DSCAML1: variants seen among roughly 807,000 people sequenced by gnomAD.
The protein encoded by DSCAML1 is DS cell adhesion molecule like 1, also known as cell adhesion molecule DSCAML1.
In DSCAML1, 38 loss-of-function variants were observed where a neutral mutation model predicts 200.5. The ratio of observed to expected loss-of-function variants is 0.19; its 90% CI spans 0.15 to 0.25. The LOEUF (loss-of-function observed/expected upper bound fraction) is 0.25, where lower values mean the gene tolerates loss of function less well. Among genes scored for constraint, DSCAML1 ranks in the 10% least tolerant of loss-of-function variants. DSCAML1 has a pLI of 1.00. For missense variants in DSCAML1, 2,223 were observed against 2,858.8 expected, an observed-to-expected ratio of 0.78 and a Z score of 5.07; for synonymous variants, 1,215 against 1,165.0, an observed-to-expected ratio of 1.04 and a Z score of -0.87.
intron 3 of DSCAML1, among the ~76,000 whole-genome samples, chr11:117,574,532 C>T (rs918942849): frequency 6.6e-6 from 1 of 152,140 alleles, no homozygotes; most frequent in Admixed American, 6.5e-5. Context: ...TGCAGGGGCC[C>T]TTTAGCATTC....
intron 3 of DSCAML1, among the ~76,000 whole-genome samples, chr11:117,644,195 A>AC (rs1420911240): frequency 2.0e-5 from 3 of 151,890 alleles, no homozygotes; most frequent in Non-Finnish European, 4.4e-5. Flanking sequence ...CTTCACAGCC[A>AC]CCCCCACCAA....
chr11:117,541,217 G>A (rs2050263046), intron 3 of DSCAML1, among the ~76,000 whole-genome samples: 2 of 152,224 alleles, frequency 1.3e-5, no homozygotes, highest in Non-Finnish European at 2.9e-5. Flanking sequence ...CTGCTTAGTA[G>A]ACAGCTCCTT....
chr11:117,463,811 C>A lies in DSCAML1; in HGVS notation c.3265+1131G>T, dbSNP rs557669384. 6.6e-6 allele frequency among the ~76,000 whole-genome samples: 1 copy of A among 152,200 alleles called. No homozygotes were observed. Among genetic ancestry groups the A allele is most frequent in the African/African-American group, 2.4e-5 (1 of 41,432 alleles). On this transcript the variant is annotated intron_variant, in intron 17 of 32. Coordinates refer to ENST00000651296, the MANE Select transcript of DSCAML1 (RefSeq NM_020693.4). This position sits in a 1 kb window ranked among gnomAD's most constrained non-coding sequence, Gnocchi z 4.0. ...CTGGGGCTATTGAAGTCGGCCCCAT[C>A]TTAAAGCCCAGCTTTTGCCCCAGAA...
chr11:117,575,401 A>G (rs2050914267), intron 3 of DSCAML1, among the ~76,000 whole-genome samples: 1 of 152,222 alleles, frequency 6.6e-6, no homozygotes, highest in African/African-American at 2.4e-5. Context: ...ATAAGTTCCA[A>G]CTGGTGGTTC....
chr11:117,697,073 G>T (rs1591411963), intron 3 of DSCAML1, among the ~76,000 whole-genome samples: 1 of 152,200 alleles, frequency 6.6e-6, no homozygotes, highest in South Asian at 2.1e-4. Context: ...CTCTGGTAGT[G>T]TTAGTATTGT....
rs752364275 is a variant in DSCAML1, at chr11:117,780,614, C to G, written c.243G>C (p.Thr81=). 6.3e-7 allele frequency: 1 copy of G among 1,590,370 alleles called. No individual in the cohort carries two copies. Among genetic ancestry groups the G allele is most frequent in the Non-Finnish European group, 8.6e-7 (1 of 1,167,300 alleles). ...AGGGGGAGAAGGGGTAGAGCTGCAG[C>G]GTCCCGTTGGCGTGGACGTGCCGGA... The part of the protein sequence containing the change: ...PHIRHVHANG[T]LQLYPFSPSA... Residue 81 remains threonine (T), a synonymous_variant, in exon 2 of 33, where the codon ACG becomes ACC. Transcript: ENST00000651296. The surrounding 1 kb of genome is among the most constrained non-coding windows in gnomAD (Gnocchi z 4.8).
chr11:117,743,003 TCATC>T (rs60601984), intron 3 of DSCAML1, among the ~76,000 whole-genome samples: 7 of 151,006 alleles, frequency 4.6e-5, no homozygotes, highest in African/African-American at 9.7e-5. Flanking sequence ...CACTCCACTT[TCATC>T]CATCCATCCA....
chr11:117,781,611 G>A (rs1341542023), intron 1 of DSCAML1, among the ~76,000 whole-genome samples: 1 of 152,184 alleles, frequency 6.6e-6, no homozygotes, highest in African/African-American at 2.4e-5. Context: ...GCAGAAGAGT[G>A]GGTGGATAAG....
intron 20 of DSCAML1, among the ~76,000 whole-genome samples, chr11:117,449,318 A>T (rs563337352): frequency 6.6e-6 from 1 of 152,056 alleles, no homozygotes; most frequent in African/African-American, 2.4e-5. Context: ...GTCTACAGTG[A>T]TGACGTTTGT....
chr11:117,528,732 G>A (rs1653548801), intron 4 of DSCAML1, among the ~76,000 whole-genome samples: 2 of 152,160 alleles, frequency 1.3e-5, no homozygotes, highest in South Asian at 4.1e-4. Flanking sequence ...CTTTATAACT[G>A]CAGGTGACAA....
At chr11:117,570,500 G>C (rs1016269380) in intron 3 of DSCAML1, among the ~76,000 whole-genome samples, 3 of 152,124 alleles carry the variant, frequency 2.0e-5, no homozygotes, top group Non-Finnish European at 4.4e-5. Context: ...AGTGTCATGA[G>C]AGCATAAAAC....
chr11:117,477,386 G>GTA (rs1254266718), intron 14 of DSCAML1, among the ~76,000 whole-genome samples: 6 of 130,574 alleles, frequency 4.6e-5, no homozygotes, highest in Admixed American at 2.2e-4. Flanking sequence ...GTGTGTGTGT[G>GTA]TGTGTATGTG....
chr11:117,624,373 G>A (rs1363797354), intron 3 of DSCAML1, among the ~76,000 whole-genome samples: 1 of 152,152 alleles, frequency 6.6e-6, no homozygotes, highest in Admixed American at 6.5e-5. Context: ...GTAGTGAATG[G>A]AAAGGCACTA....
intron 1 of DSCAML1, among the ~76,000 whole-genome samples, chr11:117,811,786 G>A (rs1385914669): frequency 2.6e-5 from 4 of 152,246 alleles, no homozygotes; most frequent in South Asian, 2.1e-4. Flanking sequence ...GTAGACCATC[G>A]CGGATGCCGA....
chr11:117,504,145 A>G lies in DSCAML1; in HGVS notation c.2183-124T>C. On this transcript the variant is annotated intron_variant, in intron 10 of 32. Transcript: ENST00000651296. The surrounding 1 kb of genome is among the most constrained non-coding windows in gnomAD (Gnocchi z 5.0). ...GGCCATTTTGTAGCAGAGCTGCACC[A>G]TCCCCAAAGTGCTGAGGCCACATGG... is the stretch of plus-strand genomic sequence containing the variant. 1 of 1,172,234 alleles carries G rather than the reference A, an allele frequency of 8.5e-7. No individual in the cohort carries two copies. The highest frequency in any genetic ancestry group is 1.2e-6 in the Non-Finnish European group (1 of 836,450). 72.6% of individuals were successfully genotyped at this position (1,172,234 alleles called of 1,614,324 possible). A position where few individuals can be genotyped will look rare whatever the true frequency, so the allele number is the denominator to read the frequency against.
intron 3 of DSCAML1, among the ~76,000 whole-genome samples, chr11:117,738,951 C>T (rs2054373116): frequency 6.6e-6 from 1 of 152,104 alleles, no homozygotes; most frequent in Non-Finnish European, 1.5e-5. Flanking sequence ...TAGAACAGTC[C>T]ACCAGAAGAC....
At chr11:117,624,932 G>A (rs1172124689) in intron 3 of DSCAML1, among the ~76,000 whole-genome samples, 1 of 152,184 alleles carries the variant, frequency 6.6e-6, no homozygotes, top group Non-Finnish European at 1.5e-5. Context: ...GTTTGAACTT[G>A]TGTGCACATT....
At chr11:117,486,885 A>AG (rs1472781070) in intron 11 of DSCAML1, among the ~76,000 whole-genome samples, 2 of 37,104 alleles carry the variant, frequency 5.4e-5, no homozygotes, top group African/African-American at 3.4e-4. Flanking sequence ...AAATGTAGGA[A>AG]GAAAAAAAAA....
intron 3 of DSCAML1, among the ~76,000 whole-genome samples, chr11:117,755,937 G>A (rs1490310621): frequency 1.3e-5 from 2 of 152,086 alleles, no homozygotes; most frequent in Non-Finnish European, 2.9e-5. Flanking sequence ...GAGGTCCTTT[G>A]TCCTGGGAGA....
Sources: gnomAD v4.1 joint callset for allele counts (sites outside exome capture counted in the v4.1 genomes callset) on GRCh38, gnomAD v4.1.1 for gene constraint, Gnocchi (gnomAD v3.1) non-coding constraint, MANE v1.5 for transcripts, NCBI Gene and HGNC (gene_info 2026-07-23, HGNC 2026-07-21) for gene names.